Variants in ABCD3 observed in about 807,000 individuals in gnomAD.
The protein encoded by ABCD3 is ATP-binding cassette sub-family D member 3.
ABCD3 carries 41 observed loss-of-function variants against 105.5 expected under a neutral mutation model. The observed-to-expected ratio is 0.39, with a 90% CI of 0.30 to 0.50. The LOEUF is 0.50. Ranked by LOEUF, ABCD3 falls within the 20% of genes least tolerant of loss-of-function variation. ABCD3 has a pLI of 0.84. For synonymous variants in ABCD3, 258 were observed against 269.0 expected (o/e 0.96, Z 0.40); for missense variants, 622 against 806.3 (o/e 0.77, Z 2.77).
rs1299734932 is a variant in ABCD3, at chr1:94,489,794, A to G, written c.1227A>G (p.Thr409=). The change falls in exon 14 of 23, where the codon ACA becomes ACG. Residue 409 remains threonine (T), a synonymous_variant. Coordinates refer to ENST00000370214, the MANE Select transcript of ABCD3 (RefSeq NM_002858.4). ...KDLNHGKYER[T]MVSQQEKGIE... ...TAAATCATGGCAAATATGAGCGCACAATGGTCTCACAACAGGAAAAGGGTA... is the reference window on the plus strand; with the variant it reads ...TAAATCATGGCAAATATGAGCGCACGATGGTCTCACAACAGGAAAAGGGTA... 5.0e-6 allele frequency: 8 copies of G among 1,613,290 alleles called. No homozygotes were observed. Among genetic ancestry groups the G allele is most frequent in the East Asian group, 2.2e-5 (1 of 44,770 alleles).
chr1:94,418,096 G>A (rs1294382750), upstream of ABCD3, among the ~76,000 whole-genome samples: 8 of 152,190 alleles, frequency 5.3e-5, no homozygotes, highest in Admixed American at 5.2e-4. Context: ...CGCTCATCCA[G>A]TTATTGTGAA....
intron 13 of ABCD3, 58 bp downstream of exon 13, chr1:94,488,041 T>A: frequency 1.5e-6 from 2 of 1,330,088 alleles, no homozygotes; most frequent in South Asian, 1.2e-5. Context: ...ATATTATCCT[T>A]AATGATTGTA....
chr1:94,418,327 G>A (rs1659101415), upstream of ABCD3: 2 of 506,392 alleles, frequency 3.9e-6, no homozygotes, highest in East Asian at 7.5e-5. Flanking sequence ...CAGAGCGCGG[G>A]CGGCGCGGCG....
At chr1:94,494,127 C>T (rs1326836698) in intron 16 of ABCD3, among the ~76,000 whole-genome samples, 2 of 151,736 alleles carry the variant, frequency 1.3e-5, no homozygotes, top group Non-Finnish European at 1.5e-5. Flanking sequence ...CAATAACTAC[C>T]CTGTATTAAA....
chr1:94,440,789 G>C (rs930969192), intron 1 of ABCD3, among the ~76,000 whole-genome samples: 1 of 152,110 alleles, frequency 6.6e-6, no homozygotes, highest in Non-Finnish European at 1.5e-5. Context: ...GTTGTCCATG[G>C]GTTTTGGGTT....
At chr1:94,491,479 A>C (rs1395002425) in intron 16 of ABCD3, among the ~76,000 whole-genome samples, 1 of 152,154 alleles carries the variant, frequency 6.6e-6, no homozygotes, top group Non-Finnish European at 1.5e-5. Flanking sequence ...AGTTTATGTC[A>C]AGAAAGTCAT....
At chr1:94,425,901 G>A (rs1181071818) in intron 1 of ABCD3, among the ~76,000 whole-genome samples, 5 of 152,068 alleles carry the variant, frequency 3.3e-5, no homozygotes, top group South Asian at 2.1e-4. Flanking sequence ...TCCTTTGGCC[G>A]TTTGTCAGAT....
At chr1:94,442,084 A>ATG (rs1491524165) in intron 1 of ABCD3, among the ~76,000 whole-genome samples, 1 of 152,204 alleles carries the variant, frequency 6.6e-6, no homozygotes, top group Non-Finnish European at 1.5e-5. Flanking sequence ...GAAAAAATGC[A>ATG]TGTGTGTGTA....
intron 1 of ABCD3, among the ~76,000 whole-genome samples, chr1:94,449,261 A>T (rs1052946657): frequency 6.6e-6 from 1 of 152,206 alleles, no homozygotes; most frequent in Non-Finnish European, 1.5e-5. Context: ...GAGGATCCCA[A>T]CTGTCATGAG....
At chr1:94,444,427 A>C (rs1444717836) in intron 1 of ABCD3, among the ~76,000 whole-genome samples, 1 of 151,906 alleles carries the variant, frequency 6.6e-6, no homozygotes, top group Non-Finnish European at 1.5e-5. Flanking sequence ...GGCCTCCTAA[A>C]GTGCTGTGAT....
chr1:94,515,565 T>C (rs1291003567), intron 22 of ABCD3, among the ~76,000 whole-genome samples: 1 of 151,974 alleles, frequency 6.6e-6, no homozygotes, highest in South Asian at 2.1e-4. Flanking sequence ...ACATTTTTAA[T>C]AGAGGTCAGG....
intron 16 of ABCD3, among the ~76,000 whole-genome samples, chr1:94,491,723 C>T (rs1433304626): frequency 6.6e-6 from 1 of 152,076 alleles, no homozygotes; most frequent in Non-Finnish European, 1.5e-5. Context: ...AGTAAAATCC[C>T]ATGCCAAGTG....
chr1:94,468,189 A>G (rs764386339), intron 4 of ABCD3, among the ~76,000 whole-genome samples, 182 bp downstream of exon 4: 23 of 152,204 alleles, frequency 1.5e-4, no homozygotes, highest in Non-Finnish European at 2.8e-4. Context: ...GCAATGTGCT[A>G]TACTGTGATG....
At chr1:94,386,858 AG>A in the ABCD3 span, among the ~76,000 whole-genome samples, 19 of 152,234 alleles carry the variant, frequency 1.2e-4, no homozygotes, top group East Asian at 3.1e-3. Context: ...CCATCTCAAA[AG>A]AAAAAATAAT....
intron 16 of ABCD3, 89 bp downstream of exon 16, chr1:94,491,336 G>A (rs1649527249): frequency 1.0e-6 from 1 of 981,806 alleles, no homozygotes; most frequent in South Asian, 1.4e-5. Flanking sequence ...GTAACTTTAA[G>A]GCTCGACTTA....
At chr1:94,389,362 G>A in the ABCD3 span, among the ~76,000 whole-genome samples, 1 of 152,178 alleles carries the variant, frequency 6.6e-6, no homozygotes, top group African/African-American at 2.4e-5. Context: ...CCATGCTGAA[G>A]GTTGTGGGTT....
Position 94,434,650 on chromosome 1 carries a change from T to G in ABCD3, c.110+16062T>G, listed in dbSNP as rs1372747570. 2.0e-5 allele frequency among the ~76,000 whole-genome samples: 3 copies of G among 152,326 alleles called. No individual in the cohort carries two copies. The East Asian group carries it at 5.8e-4, about 29-fold the overall frequency. On this transcript the variant is annotated intron_variant, in intron 1 of 22. Coordinates refer to ENST00000370214, the MANE Select transcript of ABCD3 (RefSeq NM_002858.4). ...TGAAATGTTATGCAGTACATGAGTG[T>G]AATACAATCATGGTGCAATACTCTA... is the stretch of plus-strand genomic sequence containing the variant.
the ABCD3 span, among the ~76,000 whole-genome samples, chr1:94,406,176 A>C: frequency 3.2e-4 from 49 of 152,088 alleles, no homozygotes; most frequent in South Asian, 1.5e-3. Flanking sequence ...TTAAAAAAAA[A>C]AACAACTATA....
chr1:94,401,931 C>T, the ABCD3 span, among the ~76,000 whole-genome samples: 1 of 152,186 alleles, frequency 6.6e-6, no homozygotes, highest in East Asian at 1.9e-4. Context: ...ATTTTTGTCA[C>T]CCAAGGAAGT....
Sources: gnomAD v4.1 joint callset for allele counts (sites outside exome capture counted in the v4.1 genomes callset) on GRCh38, gnomAD v4.1.1 for gene constraint, MANE v1.5 for transcripts, NCBI Gene and HGNC (gene_info 2026-07-23, HGNC 2026-07-21) for gene names.